Variants in PDK3 observed in about 807,000 individuals in gnomAD.
PDK3 encodes the protein pyruvate dehydrogenase kinase 3, also known as pyruvate dehydrogenase kinase, isozyme 3.
A neutral mutation model predicts 32.0 loss-of-function variants in PDK3; 12 were observed. The observed-to-expected ratio is 0.37, with a 90% CI of 0.24 to 0.61. PDK3 has a LOEUF of 0.61. Ranked by LOEUF, PDK3 falls within the 20% of genes least tolerant of loss-of-function variation. The probability of loss-of-function intolerance (pLI) is 0.65; values close to 1 mark genes in which losing one functional copy is unlikely to be tolerated. For missense variants in PDK3, 188 were observed against 316.9 expected (o/e 0.59, Z 3.09); for synonymous variants, 122 against 116.3 (o/e 1.05, Z -0.31).
chrX:24,502,006 G>A (rs1262350810), intron 3 of PDK3, among the ~76,000 whole-genome samples: 5 of 111,363 alleles, frequency 4.5e-5, no homozygotes, highest in African/African-American at 1.6e-4. Context: ...TTTTCTGATG[G>A]GGTGCTAGTT....
chrX:24,487,781 A>G (rs980639752), intron 1 of PDK3, among the ~76,000 whole-genome samples: 2 of 110,186 alleles, frequency 1.8e-5, no homozygotes, highest in African/African-American at 6.6e-5. Context: ...CTAAAGCTGA[A>G]CAATGGACAA....
intron 1 of PDK3, among the ~76,000 whole-genome samples, chrX:24,487,099 C>T (rs1440094573): frequency 1.8e-5 from 2 of 112,519 alleles, no homozygotes; most frequent in Non-Finnish European, 1.9e-5. Context: ...ACAAAACAAA[C>T]ATTTTAAAAG....
rs141001437 is a variant in PDK3 at position 24,478,092 on chromosome X, C to G, written c.106+12531C>G. Among the ~76,000 whole-genome samples, 292 of 111,541 alleles carry G rather than the reference C, an allele frequency of 2.6e-3. 1 individual carries two copies. The highest frequency in any genetic ancestry group is 8.7e-3 in the African/African-American group (266 of 30,660). On this transcript the variant is annotated intron_variant, in intron 1 of 10. Transcript: ENST00000379162. ...TATCATCAAAAGTGTGCTAAGGGAA[C>G]TGTGGATGGGTTACGTGGTGTTTTA...
intron 1 of PDK3, among the ~76,000 whole-genome samples, chrX:24,492,827 C>T (rs1026089914): frequency 3.7e-5 from 4 of 109,067 alleles, no homozygotes; most frequent in South Asian, 4.0e-4. Flanking sequence ...AGTGAAACCC[C>T]GTCTCTACTA....
intron 1 of PDK3, among the ~76,000 whole-genome samples, chrX:24,482,967 G>C (rs1921300062): frequency 8.9e-6 from 1 of 112,397 alleles, no homozygotes; most frequent in African/African-American, 3.2e-5. Flanking sequence ...GTAGGTGCTT[G>C]GTAGATGTTG....
At chrX:24,472,975 C>T (rs1921013318) in intron 1 of PDK3, among the ~76,000 whole-genome samples, 1 of 109,684 alleles carries the variant, frequency 9.1e-6, no homozygotes, top group Non-Finnish European at 1.9e-5. Flanking sequence ...GCATGAGCCA[C>T]AGCCCCTGGC....
At chrX:24,472,478 T>C (rs187837902) in intron 1 of PDK3, among the ~76,000 whole-genome samples, 79 of 111,459 alleles carry the variant, frequency 7.1e-4, no homozygotes, top group Non-Finnish European at 7.9e-4. Context: ...CAGTATAAAA[T>C]ACACACTGGA....
intron 6 of PDK3, among the ~76,000 whole-genome samples, chrX:24,523,996 A>G (rs1922462025): frequency 8.9e-6 from 1 of 112,390 alleles, no homozygotes; most frequent in African/African-American, 3.2e-5. Context: ...TAAACTTATC[A>G]GCTCTACTGT....
At chrX:24,481,446 AGAG>A (rs763739842) in intron 1 of PDK3, among the ~76,000 whole-genome samples, 1 of 112,228 alleles carries the variant, frequency 8.9e-6, no homozygotes, top group South Asian at 3.6e-4. Flanking sequence ...ATAACTGTAT[AGAG>A]AGACAAACAA....
At chrX:24,530,093 C>T (rs1362234825) in intron 9 of PDK3, among the ~76,000 whole-genome samples, 2 of 111,737 alleles carry the variant, frequency 1.8e-5, no homozygotes, top group African/African-American at 6.5e-5. Context: ...AGGGCAGGCT[C>T]TGGGCCTTGC....
Position 24,466,478 on chromosome X carries a change from C to T in PDK3, c.106+917C>T, listed in dbSNP as rs7881791. On this transcript the variant is annotated intron_variant, in intron 1 of 10. Transcript: ENST00000379162. The stretch of plus-strand genomic sequence containing the variant: ...TCCAGCAGCAAAGATGTTCTAAGCT[C>T]TCCAGGGGAAATCGTAGGGTGTCTG... Among the ~76,000 whole-genome samples the T allele has an allele frequency of 8.8e-3, 983 of 112,071 alleles. 8 individuals are homozygous for T. The highest frequency in any genetic ancestry group is 0.031 in the African/African-American group (941 of 30,792).
At chrX:24,490,785 A>G (rs1469584503) in intron 1 of PDK3, among the ~76,000 whole-genome samples, 2 of 111,353 alleles carry the variant, frequency 1.8e-5, no homozygotes, top group African/African-American at 3.3e-5. Context: ...GAAGCTGACT[A>G]TGGCCACCTC....
At chrX:24,546,614 A>T (rs1435720514) in exon 12 of PDK3, 1 of 111,982 alleles carries the variant, frequency 8.9e-6, no homozygotes, top group Non-Finnish European at 1.9e-5. Flanking sequence ...GATCTGGGTG[A>T]TAGGGTTAGG....
chrX:24,546,751 A>G (rs1053955178), exon 12 of PDK3: 3 of 111,416 alleles, frequency 2.7e-5, no homozygotes, highest in Non-Finnish European at 5.6e-5. Context: ...GCAGTGGGAG[A>G]TTTAACAACT....
At chrX:24,495,768 G>A (rs992714179) in intron 2 of PDK3, among the ~76,000 whole-genome samples, 29 of 112,093 alleles carry the variant, frequency 2.6e-4, no homozygotes, top group African/African-American at 8.4e-4. Context: ...GTTGAGGGTA[G>A]AGCTGAAAGT....
At chrX:24,503,580 T>C in intron 4 of PDK3, 69 bp downstream of exon 4, 1 of 830,963 alleles carries the variant, frequency 1.2e-6, no homozygotes, top group Non-Finnish European at 1.6e-6. Context: ...TGTTTTCCTG[T>C]TGTTAATTTA....
chrX:24,475,018 A>C (rs1289289383), intron 1 of PDK3, among the ~76,000 whole-genome samples: 3 of 111,739 alleles, frequency 2.7e-5, no homozygotes, highest in Non-Finnish European at 5.6e-5. Flanking sequence ...TTGGCTTTTT[A>C]AGTCATTTTG....
exon 12 of PDK3, chrX:24,545,705 G>A (rs1922982073): frequency 9.0e-6 from 1 of 111,361 alleles, no homozygotes; most frequent in South Asian, 3.8e-4. Flanking sequence ...GGCAGAGAGA[G>A]GAGTCATGTG....
Position 24,465,430 on chromosome X carries a change from C to G in PDK3, c.-26C>G. 8.9e-7 allele frequency: 1 copy of G among 1,129,142 alleles called. No homozygotes were observed. Among genetic ancestry groups the G allele is most frequent in the Non-Finnish European group, 1.2e-6 (1 of 828,744 alleles). The allele number at this position is 1,129,142 out of a possible 1,213,427, so 93.1% of individuals were successfully genotyped here. Reference sequence around the variant, plus strand: ...CCTTGCGGCCACCCGGGCGTCTAGGCGGGTCTGTGCGCCGCCCGGGCGAGG... The same window carrying G: ...CCTTGCGGCCACCCGGGCGTCTAGGGGGGTCTGTGCGCCGCCCGGGCGAGG... On this transcript the variant is annotated 5_prime_UTR_variant, in exon 1 of 11. Transcript: ENST00000379162.
Sources: gnomAD v4.1 joint callset for allele counts (sites outside exome capture counted in the v4.1 genomes callset) on GRCh38, gnomAD v4.1.1 for gene constraint, MANE v1.5 for transcripts, NCBI Gene and HGNC (gene_info 2026-07-23, HGNC 2026-07-21) for gene names.